The following LARGE1 variants were observed in gnomAD, a reference collection of about 807,000 sequenced individuals.
LARGE1 encodes the protein xylosyl- and glucuronyltransferase LARGE1.
LARGE1 carries 43 observed loss-of-function variants against 87.6 expected under a neutral mutation model. The observed-to-expected ratio is 0.49, with a 90% CI of 0.38 to 0.63. LARGE1 has a LOEUF of 0.63. LARGE1 is among the 30% of genes least tolerant of loss of function. LARGE1 has a pLI of 0.00. For synonymous variants in LARGE1, 434 were observed against 394.6 expected (o/e 1.10, Z -1.18); for missense variants, 802 against 1,000.2 (o/e 0.80, Z 2.67).
At chr22:33,366,678 G>A (rs942455477) in intron 9 of LARGE1, among the ~76,000 whole-genome samples, 1 of 152,002 alleles carries the variant, frequency 6.6e-6, no homozygotes, top group Non-Finnish European at 1.5e-5. Flanking sequence ...CTTCTCTTTC[G>A]TCTTCCGCCA....
In LARGE1 at chr22:33,245,710, A is replaced by T. The variant is rs552731582; in HGVS notation, c.1730+58519T>A. Among the ~76,000 whole-genome samples, 509 of 152,278 alleles carry T rather than the reference A, an allele frequency of 3.3e-3. 2 individuals are homozygous for T. Among genetic ancestry groups the T allele is most frequent in the Middle Eastern group, 0.017 (5 of 294 alleles). ...GATCACCTGAGGTCTGGAGTTCGAG[A>T]CCAGTCTGGCCAATGTGGCAAAACC... is the stretch of plus-strand genomic sequence containing the variant. On this transcript the variant is annotated intron_variant, in intron 11 of 11. Transcript: ENST00000608642.
Position 33,173,767 on chromosome 22 carries a change from G to A in LARGE1, c.1731-6935C>T, listed in dbSNP as rs561939876. ...GAAGGCCATTACATAATGGTAAAGG[G>A]ATCAATGCAACAAGAAGAGCTAACT... is the stretch of plus-strand genomic sequence containing the variant. On this transcript the variant is annotated intron_variant, in intron 11 of 11. Coordinates refer to the LARGE1 transcript ENST00000608642. 2.0e-4 allele frequency among the ~76,000 whole-genome samples: 31 copies of A among 152,116 alleles called. No individual in the cohort carries two copies. The South Asian group carries it at 6.0e-3, about 30-fold the overall frequency.
intron 2 of LARGE1, among the ~76,000 whole-genome samples, chr22:33,718,908 A>T (rs916672655): frequency 6.6e-6 from 1 of 152,142 alleles, no homozygotes; most frequent in Non-Finnish European, 1.5e-5. Flanking sequence ...CTCCTGCCTC[A>T]GCCTCCCAAG....
At chr22:33,914,982 T>C (rs1390126720) in intron 1 of LARGE1, among the ~76,000 whole-genome samples, 2 of 148,644 alleles carry the variant, frequency 1.3e-5, no homozygotes, top group Non-Finnish European at 1.5e-5. Context: ...TAGGGATGGA[T>C]GATAGAGACA....
At chr22:33,342,093 T>G (rs1001351977) in intron 9 of LARGE1, among the ~76,000 whole-genome samples, 1 of 152,130 alleles carries the variant, frequency 6.6e-6, no homozygotes, top group African/African-American at 2.4e-5. Context: ...GGGAAGACTC[T>G]CCCCTGAGAA....
the LARGE1 span, among the ~76,000 whole-genome samples, chr22:33,128,680 C>CA: frequency 5.2e-3 from 573 of 110,246 alleles, 3 homozygotes; most frequent in East Asian, 0.027. Context: ...GTCTCAAAAA[C>CA]AAAAAAAAAA....
intron 7 of LARGE1, among the ~76,000 whole-genome samples, chr22:33,416,172 T>C (rs2066477956): frequency 6.6e-6 from 1 of 152,234 alleles, no homozygotes; most frequent in African/African-American, 2.4e-5. Context: ...ACCATTCAGC[T>C]AGTCAAGGGT....
intron 7 of LARGE1, among the ~76,000 whole-genome samples, chr22:33,385,343 A>G (rs1215524149): frequency 6.8e-6 from 1 of 147,240 alleles, no homozygotes; most frequent in Non-Finnish European, 1.5e-5. Context: ...AGCCTGGCCA[A>G]CATGGTGAAA....
intron 2 of LARGE1, among the ~76,000 whole-genome samples, chr22:33,758,105 T>C (rs1244474969): frequency 2.0e-5 from 3 of 152,228 alleles, no homozygotes; most frequent in Non-Finnish European, 2.9e-5. Flanking sequence ...ATCCTCATTA[T>C]GAGGAGCTTG....
intron 7 of LARGE1, among the ~76,000 whole-genome samples, chr22:33,399,137 C>T (rs1209040644): frequency 1.3e-5 from 2 of 152,000 alleles, no homozygotes; most frequent in East Asian, 3.9e-4. Context: ...CCTCCGCTTC[C>T]CCCCGCCCCG....
intron 1 of LARGE1, among the ~76,000 whole-genome samples, chr22:33,919,569 G>A (rs1242780354): frequency 6.6e-6 from 1 of 152,236 alleles, no homozygotes; most frequent in Admixed American, 6.5e-5. Context: ...TCTGCAAGAA[G>A]GAACAAGAAA....
At chr22:33,632,921 C>T (rs2080154447) in intron 3 of LARGE1, among the ~76,000 whole-genome samples, 1 of 152,154 alleles carries the variant, frequency 6.6e-6, no homozygotes, top group Admixed American at 6.5e-5. Context: ...AAGGCTTCCA[C>T]TAATTTCCTG....
chr22:33,278,990 T>A (rs774529568), intron 13 of LARGE1, among the ~76,000 whole-genome samples: 2 of 152,160 alleles, frequency 1.3e-5, no homozygotes, highest in Non-Finnish European at 2.9e-5. Context: ...AGTGCTGGGA[T>A]TACAGGCATG....
At chr22:33,262,719 G>A (rs1335604317) in intron 11 of LARGE1, among the ~76,000 whole-genome samples, 1 of 152,012 alleles carries the variant, frequency 6.6e-6, no homozygotes, top group African/African-American at 2.4e-5. Context: ...GGGACAGTGG[G>A]CTCCCTCTGC....
chr22:33,235,654 C>T (rs936951941), intron 11 of LARGE1, among the ~76,000 whole-genome samples: 1 of 152,152 alleles, frequency 6.6e-6, no homozygotes, highest in African/African-American at 2.4e-5. Flanking sequence ...CGTGTAGCCT[C>T]TCCGGGTGGC....
the LARGE1 span, among the ~76,000 whole-genome samples, chr22:33,154,471 C>T: frequency 1.3e-5 from 2 of 152,128 alleles, no homozygotes; most frequent in Non-Finnish European, 2.9e-5. Context: ...AACTCCTGAC[C>T]TAAGGTGATC....
intron 1 of LARGE1, among the ~76,000 whole-genome samples, chr22:33,837,479 C>T (rs537836709): frequency 1.3e-5 from 2 of 152,244 alleles, no homozygotes; most frequent in Admixed American, 6.5e-5. Context: ...AAGGCTAATT[C>T]AAGTGGAGAG....
chr22:33,854,175 C>CA (rs2063690097), intron 1 of LARGE1, among the ~76,000 whole-genome samples: 1 of 128,134 alleles, frequency 7.8e-6, no homozygotes. Context: ...ATCACAAACT[C>CA]AGAGCTGATC....
intron 12 of LARGE1, among the ~76,000 whole-genome samples, chr22:33,289,556 T>C (rs1167644396): frequency 6.6e-6 from 1 of 152,172 alleles, no homozygotes; most frequent in Non-Finnish European, 1.5e-5. Flanking sequence ...CTGAGCCTAC[T>C]GGTGCATCCA....
Sources: allele counts gnomAD v4.1 joint callset (sites outside exome capture counted in the v4.1 genomes callset), GRCh38; gene constraint gnomAD v4.1.1; transcripts MANE v1.5; gene names NCBI Gene and HGNC (gene_info 2026-07-23, HGNC 2026-07-21).